Variants in TMEM63C observed in about 807,000 individuals in gnomAD.
TMEM63C encodes the protein transmembrane protein 63C.
Under a neutral mutation model 99.2 loss-of-function variants are expected in TMEM63C, and 32 were observed. The observed-to-expected ratio is 0.32, with a 90% CI of 0.24 to 0.43. The LOEUF is 0.43. TMEM63C is among the 20% of genes least tolerant of loss of function. The pLI, the probability that TMEM63C is intolerant of heterozygous loss-of-function variation, is 1.00. For missense variants in TMEM63C, 826 were observed against 1,053.0 expected (o/e 0.78, Z 2.98); for synonymous variants, 376 against 397.9 (o/e 0.94, Z 0.66).
At chr14:77,240,812 G>T (rs1408967748) in intron 13 of TMEM63C, among the ~76,000 whole-genome samples, 1 of 152,220 alleles carries the variant, frequency 6.6e-6, no homozygotes, top group Non-Finnish European at 1.5e-5. Flanking sequence ...CTCAAGGGGT[G>T]CCCAGGCCGG....
At chr14:77,186,825 G>GTGTC (rs1356508423) in intron 1 of TMEM63C, among the ~76,000 whole-genome samples, 1 of 148,486 alleles carries the variant, frequency 6.7e-6, no homozygotes, top group African/African-American at 2.5e-5. Context: ...GTGTGTCTGT[G>GTGTC]TGTGTCTGTG....
intron 6 of TMEM63C, among the ~76,000 whole-genome samples, chr14:77,227,342 A>T (rs1888845568): frequency 6.6e-6 from 1 of 152,176 alleles, no homozygotes; most frequent in Non-Finnish European, 1.5e-5. Flanking sequence ...ATAAGGCTAC[A>T]GTCAGTAGGT....
At chr14:77,245,609 A>C (rs1407399010) in intron 16 of TMEM63C, among the ~76,000 whole-genome samples, 1 of 152,210 alleles carries the variant, frequency 6.6e-6, no homozygotes, top group Non-Finnish European at 1.5e-5. Context: ...TCATGGTGGC[A>C]GGCAAGGAGG....
At chr14:77,249,613 G>A (rs190474795) in intron 21 of TMEM63C, among the ~76,000 whole-genome samples, 155 bp downstream of exon 21, 58 of 152,238 alleles carry the variant, frequency 3.8e-4, no homozygotes, top group African/African-American at 1.3e-3. Context: ...GGGCCTAAAG[G>A]GCCTACATTA....
intron 12 of TMEM63C, among the ~76,000 whole-genome samples, chr14:77,239,988 G>A (rs965494729): frequency 3.9e-5 from 6 of 152,170 alleles, no homozygotes; most frequent in Non-Finnish European, 7.3e-5. Flanking sequence ...GAGAGAGAAG[G>A]ACCAGAGAAA....
At chr14:77,244,224 G>C (rs1425096368) in intron 15 of TMEM63C, 125 bp from the exon 16 acceptor site, 1 of 737,898 alleles carries the variant, frequency 1.4e-6, no homozygotes, top group Non-Finnish European at 2.3e-6. Flanking sequence ...AGTGAGAAGG[G>C]CCAGGCCCCT....
intron 1 of TMEM63C, among the ~76,000 whole-genome samples, chr14:77,211,969 C>G: frequency 6.6e-6 from 1 of 152,212 alleles, no homozygotes; most frequent in East Asian, 1.9e-4. Context: ...ACAACCACCA[C>G]CTACCAGCTG....
intron 21 of TMEM63C, among the ~76,000 whole-genome samples, chr14:77,251,417 A>G (rs187542160): frequency 1.3e-5 from 2 of 152,310 alleles, no homozygotes; most frequent in Non-Finnish European, 2.9e-5. Context: ...TCACTTCAAA[A>G]GGGCTTGCAG....
intron 1 of TMEM63C, among the ~76,000 whole-genome samples, chr14:77,204,861 G>A (rs945730868): frequency 1.3e-5 from 2 of 152,320 alleles, no homozygotes; most frequent in South Asian, 4.1e-4. Context: ...TAAGAAGCTT[G>A]CCCAAAGACA....
chr14:77,191,383 C>T (rs1322005026), intron 1 of TMEM63C, among the ~76,000 whole-genome samples: 1 of 152,098 alleles, frequency 6.6e-6, no homozygotes, highest in African/African-American at 2.4e-5. Context: ...AAGGTGTGAG[C>T]TATCCTGGAG....
intron 1 of TMEM63C, among the ~76,000 whole-genome samples, chr14:77,187,943 G>A (rs1472084219): frequency 6.6e-6 from 1 of 152,184 alleles, no homozygotes; most frequent in African/African-American, 2.4e-5. Flanking sequence ...ATTTGTGTGT[G>A]GGGCGGGGGG....
intron 13 of TMEM63C, among the ~76,000 whole-genome samples, 162 bp downstream of exon 13, chr14:77,240,770 C>G (rs1479507573): frequency 1.3e-5 from 2 of 152,176 alleles, no homozygotes; most frequent in African/African-American, 2.4e-5. Context: ...ATGGCCATAC[C>G]TGCTTCCCCC....
At chr14:77,216,283 C>T (rs1392488244) in intron 2 of TMEM63C, among the ~76,000 whole-genome samples, 1 of 152,220 alleles carries the variant, frequency 6.6e-6, no homozygotes, top group African/African-American at 2.4e-5. Flanking sequence ...CTGGCTGCTA[C>T]TTCTCAGTCT....
intron 21 of TMEM63C, among the ~76,000 whole-genome samples, chr14:77,249,884 A>G (rs886288520): frequency 1.3e-5 from 2 of 152,136 alleles, no homozygotes; most frequent in Admixed American, 6.5e-5. Context: ...GTCTAGACTG[A>G]AGTACAGTGG....
intron 1 of TMEM63C, among the ~76,000 whole-genome samples, chr14:77,192,059 C>G (rs936884061): frequency 6.6e-6 from 1 of 152,114 alleles, no homozygotes; most frequent in South Asian, 2.1e-4. Flanking sequence ...TATGTAATAG[C>G]CTCCTTTGTC....
chr14:77,222,244 A>G (rs1321144788), intron 5 of TMEM63C, among the ~76,000 whole-genome samples: 3 of 151,822 alleles, frequency 2.0e-5, no homozygotes, highest in Non-Finnish European at 4.4e-5. Context: ...TTGGTCTCAG[A>G]CCTCCCACCA....
At chr14:77,219,872 C>A in intron 4 of TMEM63C, 134 bp from the exon 5 acceptor site, 1 of 797,018 alleles carries the variant, frequency 1.3e-6, no homozygotes, top group Non-Finnish European at 2.0e-6. Flanking sequence ...GTGTGCTCAG[C>A]AAAGGAGCTG....
rs1292523176 is a variant in TMEM63C at position 77,256,978 on chromosome 14, G to A, written c.*252G>A. 1 of 490,408 alleles carries A rather than the reference G, an allele frequency of 2.0e-6. No homozygotes were observed. The highest frequency in any genetic ancestry group is 3.6e-6 in the Non-Finnish European group (1 of 274,180). The allele number at this position is 490,408 out of a possible 1,614,324, so 30.4% of individuals were successfully genotyped here. A position where few individuals can be genotyped will look rare whatever the true frequency, so the allele number is the denominator to read the frequency against. ...GAGGATACAGGCAAGCACATGTCTT[G>A]AGAGAGGTGGCTGGAGCCCCGGCAC... On this transcript the variant is annotated 3_prime_UTR_variant, in exon 24 of 24. Coordinates refer to ENST00000298351, the MANE Select transcript of TMEM63C (RefSeq NM_020431.4).
chr14:77,230,127 G>A lies in TMEM63C; in HGVS notation c.351-1461G>A, dbSNP rs376876990. ...TGAGGCAGGAGAATCACTTGAACCC[G>A]GGAGGAGGAGGTTGCAGTGAGCCAA... On this transcript the variant is annotated intron_variant, in intron 6 of 23. Coordinates refer to ENST00000298351, the MANE Select transcript of TMEM63C (RefSeq NM_020431.4). Among the ~76,000 whole-genome samples the A allele has an allele frequency of 2.1e-4, 32 of 151,946 alleles. No individual in the cohort carries two copies. In the East Asian group the frequency reaches 3.7e-3, roughly 18 times the overall value.
Sources: gnomAD v4.1 joint callset for allele counts (sites outside exome capture counted in the v4.1 genomes callset) on GRCh38, gnomAD v4.1.1 for gene constraint, MANE v1.5 for transcripts, NCBI Gene and HGNC (gene_info 2026-07-23, HGNC 2026-07-21) for gene names.